The following FBN3 variants were observed in gnomAD, a reference collection of about 807,000 sequenced individuals.
FBN3 encodes fibrillin-3.
A neutral mutation model predicts 330.1 loss-of-function variants in FBN3; 234 were observed. The observed-to-expected ratio is 0.71, with a 90% CI of 0.64 to 0.79. FBN3 has a LOEUF of 0.79. FBN3 is among the 30% of genes least tolerant of loss of function. The probability of loss-of-function intolerance (pLI) is 0.00; values close to 1 mark genes in which losing one functional copy is unlikely to be tolerated. For synonymous variants in FBN3, 1,458 were observed against 1,517.3 expected (o/e 0.96, Z 0.91); for missense variants, 3,606 against 3,886.9 (o/e 0.93, Z 1.92).
intron 13 of FBN3, 26 bp downstream of exon 13, chr19:8,135,935 T>TTGGGGGGGGGCG: frequency 4.5e-6 from 6 of 1,344,156 alleles, no homozygotes; most frequent in Non-Finnish European, 6.0e-6. Flanking sequence ...CGGAAGCCCC[T>TTGGGGGGGGGCG]GCCCACCCGC....
intron 40 of FBN3, among the ~76,000 whole-genome samples, chr19:8,101,913 T>C (rs1417962645): frequency 6.6e-6 from 1 of 152,222 alleles, no homozygotes; most frequent in Non-Finnish European, 1.5e-5. Context: ...CTGACACAGT[T>C]TGGCTGTGTC....
chr19:8,135,935 T>TTGGGGGGGGGGGGGGGGCG, intron 13 of FBN3, 26 bp downstream of exon 13: 50 of 1,344,152 alleles, frequency 3.7e-5, no homozygotes, highest in Non-Finnish European at 4.3e-5. Context: ...CGGAAGCCCC[T>TTGGGGGGGGGGGGGGGGCG]GCCCACCCGC....
intron 31 of FBN3, 67 bp from the exon 32 acceptor site, chr19:8,111,837 A>G: frequency 6.3e-7 from 1 of 1,579,842 alleles, no homozygotes; most frequent in Non-Finnish European, 8.6e-7. Context: ...AGAAGGGAGA[A>G]AGACCCATCA....
At position 8,147,133 on chromosome 19, in the gene FBN3, G is replaced by C. The variant is rs141763343; in HGVS notation, c.221C>G (p.Thr74Arg). The C allele has an allele frequency of 6.4e-7, 1 of 1,570,818 alleles. No homozygotes were observed. The highest frequency in any genetic ancestry group is 8.6e-7 in the Non-Finnish European group (1 of 1,159,872). ...FHAYCCPGWR[T>R]FPGRSQCVVP... ...GACACACTGGCTCCTGCCAGGGAAT[G>C]TCCTCCAGCCTGGACAGCAGTAGGC... Residue 74 changes from threonine (T) to arginine (R), a missense_variant, in exon 3 of 64, where the codon ACA becomes AGA. By Grantham distance (71) the Thr-to-Arg change is moderately conservative. Transcript: ENST00000600128.
At chr19:8,071,811 G>A (rs911277926) in intron 63 of FBN3, among the ~76,000 whole-genome samples, 6 of 151,994 alleles carry the variant, frequency 3.9e-5, no homozygotes, top group Non-Finnish European at 7.4e-5. Context: ...CTTGTCACCA[G>A]GAGTGAGGCA....
rs779043209 is a variant in FBN3 at position 8,142,103 on chromosome 19, G to A, written c.576C>T (p.Gly192=). The stretch of plus-strand genomic sequence containing the variant: ...TCAGCTGATGCTGGCACCCCTCGGG[G>A]CCTACTTGGCCAAAGCAGGGTCCCG... The part of the protein sequence containing the change: ...YRTGPCFGQV[G]PEGCQHQLTG... The change falls in exon 7 of 64, where the codon GGC becomes GGT. Residue 192 remains glycine, a synonymous_variant. Transcript: ENST00000600128. 3.1e-6 allele frequency: 5 copies of A among 1,612,584 alleles called. No individual in the cohort carries two copies. Among genetic ancestry groups the A allele is most frequent in the Non-Finnish European group, 4.2e-6 (5 of 1,179,324 alleles).
intron 41 of FBN3, among the ~76,000 whole-genome samples, chr19:8,099,845 T>C (rs1202252722): frequency 1.3e-5 from 2 of 151,736 alleles, no homozygotes; most frequent in East Asian, 3.9e-4. Flanking sequence ...ACCCTGCCTC[T>C]ATTAAAATAC....
chr19:8,146,639 G>A (rs945744887), intron 3 of FBN3, among the ~76,000 whole-genome samples: 3 of 151,928 alleles, frequency 2.0e-5, no homozygotes, highest in Non-Finnish European at 4.4e-5. Context: ...GAGAAACAGA[G>A]AGAGAGAGAA....
intron 62 of FBN3, 110 bp from the exon 63 acceptor site, chr19:8,072,308 C>T (rs17160134): frequency 0.14 from 166,269 of 1,168,524 alleles, 12,414 homozygotes; most frequent in Non-Finnish European, 0.15. Context: ...CAAATGCCCA[C>T]GCACACAAAT....
chr19:8,111,232 C>G, intron 32 of FBN3, 49 bp from the exon 33 acceptor site: 23 of 1,541,802 alleles, frequency 1.5e-5, no homozygotes, highest in Non-Finnish European at 1.8e-5. Flanking sequence ...GACCAGGACC[C>G]ACACAGGGTG....
chr19:8,100,420 C>T (rs1568394064), intron 41 of FBN3, among the ~76,000 whole-genome samples: 1 of 152,126 alleles, frequency 6.6e-6, no homozygotes, highest in Non-Finnish European at 1.5e-5. Flanking sequence ...TCACTGCAAC[C>T]TTTGCCTCCT....
At position 8,133,043 on chromosome 19, in the gene FBN3, C is replaced by G; in HGVS notation, c.1655G>C (p.Ser552Thr). The part of the protein sequence containing the change: ...VNGVCLNEDG[S>T]FSCLCKPGFL... Reference sequence around the variant, plus strand: ...GCCGGGTTTGCAGAGGCAGGAGAAGCTGCCATCCTCGTTGAGACACACGCC... The same window carrying G: ...GCCGGGTTTGCAGAGGCAGGAGAAGGTGCCATCCTCGTTGAGACACACGCC... Residue 552 changes from serine to threonine, a missense_variant, in exon 14 of 64, where the codon AGC becomes ACC. By Grantham distance (58) the Ser-to-Thr change is moderately conservative. Transcript: ENST00000600128. The G allele has an allele frequency of 6.3e-7, 1 of 1,585,482 alleles. No individual in the cohort carries two copies. Among genetic ancestry groups the G allele is most frequent in the Admixed American group, 1.8e-5 (1 of 55,378 alleles).
chr19:8,084,084 G>T (rs2081877055), intron 56 of FBN3, among the ~76,000 whole-genome samples: 1 of 151,596 alleles, frequency 6.6e-6, no homozygotes, highest in Admixed American at 6.6e-5. Flanking sequence ...TTACAGGCGT[G>T]AGCCACCGCG....
chr19:8,126,121 C>G, intron 21 of FBN3, 104 bp from the exon 22 acceptor site: 1 of 1,512,054 alleles, frequency 6.6e-7, no homozygotes, highest in Non-Finnish European at 9.1e-7. Flanking sequence ...AGGAAGGGGA[C>G]GGGGACACGG....
At chr19:8,066,500 G>A (rs1223568889) in intron 63 of FBN3, among the ~76,000 whole-genome samples, 3 of 152,158 alleles carry the variant, frequency 2.0e-5, no homozygotes, top group African/African-American at 7.2e-5. Context: ...TCAGTTATAA[G>A]TGGGAGCTAA....
rs1208902383 is a variant in FBN3 at position 8,123,775 on chromosome 19, C to T, written c.2956+9G>A. The T allele has an allele frequency of 1.9e-5, 31 of 1,612,790 alleles. No homozygotes were observed. Among genetic ancestry groups the T allele is most frequent in the Non-Finnish European group, 2.5e-5 (29 of 1,179,758 alleles). ...CCTTCCAGGGGCCTGACCCCTTCCCCAACCGCACCTTTATAGAATGGTCGG... is the reference window on the plus strand; with the variant it reads ...CCTTCCAGGGGCCTGACCCCTTCCCTAACCGCACCTTTATAGAATGGTCGG... On this transcript the variant is annotated intron_variant, in intron 23 of 63. Coordinates refer to ENST00000600128, the MANE Select transcript of FBN3 (RefSeq NM_032447.5).
Position 8,072,193 on chromosome 19 carries a change from C to T in FBN3, c.7943G>A (p.Cys2648Tyr). The T allele has an allele frequency of 6.5e-7, 1 of 1,544,594 alleles. No homozygotes were observed. The highest frequency in any genetic ancestry group is 8.7e-7 in the Non-Finnish European group (1 of 1,147,612). Residue 2648 changes from cysteine (C) to tyrosine (Y), a missense_variant, in exon 63 of 64, where the codon TGT becomes TAT. By Grantham distance (194) the Cys-to-Tyr change is radical. Coordinates refer to ENST00000600128, the MANE Select transcript of FBN3 (RefSeq NM_032447.5). ...GGGGCTGAAGCCCAGGCCGGAGACACAGTGCCTGGGCCAGGATGGGCAGGG... is the reference window on the plus strand; with the variant it reads ...GGGGCTGAAGCCCAGGCCGGAGACATAGTGCCTGGGCCAGGATGGGCAGGG... Reference protein sequence around the residue: ...QGYFRAGQGHCVSGLGFSPGP... With the variant: ...QGYFRAGQGHYVSGLGFSPGP...
rs1396344509 is a variant in FBN3 at position 8,131,036 on chromosome 19, C to T, written c.2044+199G>A. Among the ~76,000 whole-genome samples, 3 of 152,152 alleles carry T rather than the reference C, an allele frequency of 2.0e-5. No individual in the cohort carries two copies. The highest frequency in any genetic ancestry group is 4.4e-5 in the Non-Finnish European group (3 of 68,024). The stretch of plus-strand genomic sequence containing the variant: ...TTCTCCCTCAAAGCCTCCAAGGGAA[C>T]CAGCCCTGCCCGCACCTTGATCTCC... On this transcript the variant is annotated intron_variant, in intron 16 of 63. Coordinates refer to ENST00000600128, the MANE Select transcript of FBN3 (RefSeq NM_032447.5). This position sits in a 1 kb window ranked among gnomAD's most constrained non-coding sequence, Gnocchi z 4.5.
rs778015926 is a variant in FBN3 at position 8,141,941 on chromosome 19, T to C, written c.738A>G (p.Gln246=). 1.2e-6 allele frequency: 2 copies of C among 1,614,146 alleles called. No homozygotes were observed. Among genetic ancestry groups the C allele is most frequent in the Non-Finnish European group, 8.5e-7 (1 of 1,179,978 alleles). The part of the protein sequence containing the change: ...FIPNIHTGAC[Q]DVDECQAVPG... ...CTCAGCCCTGACCCCACTATTCACC[T>C]TGGCAGGCCCCCGTGTGGATATTGG... The change falls in exon 7 of 64, where the codon CAA becomes CAG. Residue 246 remains glutamine (Q), a splice_region_variant and synonymous_variant. Transcript: ENST00000600128.
Sources: allele counts gnomAD v4.1 joint callset (sites outside exome capture counted in the v4.1 genomes callset), GRCh38; gene constraint gnomAD v4.1.1; non-coding constraint Gnocchi (gnomAD v3.1); transcripts MANE v1.5; gene names NCBI Gene and HGNC (gene_info 2026-07-23, HGNC 2026-07-21).